The following ADGRV1 variants were observed in gnomAD, a reference collection of about 807,000 sequenced individuals.
ADGRV1 encodes the protein adhesion G protein-coupled receptor V1.
A neutral mutation model predicts 596.2 loss-of-function variants in ADGRV1; 359 were observed. The ratio of observed to expected loss-of-function variants is 0.60; its 90% confidence interval spans 0.55 to 0.66. The LOEUF (loss-of-function observed/expected upper bound fraction) is 0.66, where lower values mean the gene tolerates loss of function less well. Ranked by LOEUF, ADGRV1 falls within the 30% of genes least tolerant of loss-of-function variation. ADGRV1 has a pLI of 0.00. For missense variants in ADGRV1, 7,274 were observed against 7,575.6 expected (o/e 0.96, Z 1.48); for synonymous variants, 2,681 against 2,679.2 (o/e 1.00, Z -0.02).
rs543050404 is a variant in ADGRV1 at position 91,046,904 on chromosome 5, CAT to C, written c.18153-25540_18153-25539del. Among the ~76,000 whole-genome samples, 151 of 152,172 alleles carry C rather than the reference CAT, an allele frequency of 9.9e-4. 1 individual carries two copies. The highest frequency in any genetic ancestry group is 3.5e-3 in the African/African-American group (144 of 41,540). ...AGAAGATATACAAGTGGCCAACAAA[CAT>C]ATGAAAAAATGCTCAGCATCACTAA... On this transcript the variant is annotated intron_variant, in intron 85 of 89. Coordinates refer to ENST00000405460, the MANE Select transcript of ADGRV1 (RefSeq NM_032119.4).
intron 86 of ADGRV1, among the ~76,000 whole-genome samples, chr5:91,093,462 A>T (rs1361684716): frequency 6.6e-6 from 1 of 152,274 alleles, no homozygotes; most frequent in Non-Finnish European, 1.5e-5. Context: ...AAGCAGGGTC[A>T]TATCGACAAG....
In ADGRV1 at chr5:90,807,415, G is replaced by A. The variant is rs772873118; in HGVS notation, c.14837-187G>A. Among the ~76,000 whole-genome samples the A allele has an allele frequency of 4.6e-5, 7 of 152,116 alleles. 1 individual carries two copies. The highest frequency in any genetic ancestry group is 2.0e-4 in the Admixed American group (3 of 15,276). On this transcript the variant is annotated intron_variant, in intron 72 of 89. Coordinates refer to ENST00000405460, the MANE Select transcript of ADGRV1 (RefSeq NM_032119.4). ...TAAAGGAGAAAAGTAAACAGGGACC[G>A]AAAGCAAGATTTGTGTGGTCTCCTG...
Position 90,939,446 on chromosome 5 carries a change from T to G in ADGRV1, c.17857-25969T>G, listed in dbSNP as rs73771130. 4.6e-3 allele frequency among the ~76,000 whole-genome samples: 705 copies of G among 152,312 alleles called. 9 individuals carry two copies. The highest frequency in any genetic ancestry group is 0.016 in the African/African-American group (669 of 41,582). ...GCGCCTAACAGATGGAACACTAAAC[T>G]GAAGGTCAGGAAATGTGAATTCCAC... is the stretch of plus-strand genomic sequence containing the variant. On this transcript the variant is annotated intron_variant, in intron 83 of 89. Transcript: ENST00000405460.
chr5:90,855,050 T>C (rs898820721), intron 81 of ADGRV1, among the ~76,000 whole-genome samples: 1 of 152,112 alleles, frequency 6.6e-6, no homozygotes, highest in Non-Finnish European at 1.5e-5. Context: ...GGAGTTTGGG[T>C]AAGGAAGTTT....
chr5:91,042,970 T>C (rs1293167958), intron 85 of ADGRV1, among the ~76,000 whole-genome samples: 1 of 152,048 alleles, frequency 6.6e-6, no homozygotes, highest in Non-Finnish European at 1.5e-5. Flanking sequence ...CAAGCTATAT[T>C]TCGAGCCAGT....
chr5:90,737,843 CA>C (rs748437746), intron 50 of ADGRV1, among the ~76,000 whole-genome samples: 4 of 151,774 alleles, frequency 2.6e-5, no homozygotes, highest in Non-Finnish European at 1.5e-5. Flanking sequence ...CTCTTGTAGG[CA>C]GCATATGATT....
At chr5:90,809,401 G>A (rs1762235951) in intron 73 of ADGRV1, among the ~76,000 whole-genome samples, 1 of 150,976 alleles carries the variant, frequency 6.6e-6, no homozygotes, top group African/African-American at 2.4e-5. Context: ...TATAGATGAC[G>A]AAAGTCATAG....
At chr5:91,080,108 A>G (rs987880685) in intron 86 of ADGRV1, among the ~76,000 whole-genome samples, 1 of 152,140 alleles carries the variant, frequency 6.6e-6, no homozygotes, top group African/African-American at 2.4e-5. Flanking sequence ...ACATTTTGTA[A>G]CATACATAGA....
chr5:91,152,979 A>C (rs1796182892), intron 88 of ADGRV1, among the ~76,000 whole-genome samples: 1 of 152,286 alleles, frequency 6.6e-6, no homozygotes, highest in South Asian at 2.1e-4. Context: ...GCACTTTGAG[A>C]GGCTGAGGCA....
chr5:90,886,740 C>A (rs1770324764), intron 83 of ADGRV1, among the ~76,000 whole-genome samples: 1 of 152,176 alleles, frequency 6.6e-6, no homozygotes. Flanking sequence ...GAAAACCATT[C>A]TTCCCAGTTT....
chr5:91,090,582 G>A (rs1214778376), intron 86 of ADGRV1, among the ~76,000 whole-genome samples: 3 of 150,700 alleles, frequency 2.0e-5, no homozygotes, highest in Non-Finnish European at 4.4e-5. Flanking sequence ...TTTAACCCTG[G>A]AAAATATACT....
At chr5:91,009,174 G>A (rs1389485711) in intron 85 of ADGRV1, among the ~76,000 whole-genome samples, 2 of 152,130 alleles carry the variant, frequency 1.3e-5, no homozygotes, top group African/African-American at 4.8e-5. Context: ...TTTCAAGCTT[G>A]ACATTTTCCT....
intron 89 of ADGRV1, among the ~76,000 whole-genome samples, chr5:91,161,303 G>A (rs1343078602): frequency 6.6e-6 from 1 of 152,132 alleles, no homozygotes; most frequent in Non-Finnish European, 1.5e-5. Flanking sequence ...TCCTTCGAAG[G>A]CCTGGAAGTA....
chr5:91,111,380 C>T (rs1389572419), intron 87 of ADGRV1, among the ~76,000 whole-genome samples: 2 of 152,052 alleles, frequency 1.3e-5, no homozygotes, highest in Non-Finnish European at 2.9e-5. Context: ...TTTGAGGTAT[C>T]GTAAGAAATG....
intron 84 of ADGRV1, among the ~76,000 whole-genome samples, chr5:90,975,539 A>G (rs897755064): frequency 1.3e-5 from 2 of 152,214 alleles, no homozygotes; most frequent in Non-Finnish European, 2.9e-5. Context: ...GGATGCGTTC[A>G]TGTCCTTTTT....
chr5:91,111,491 G>T (rs979393511), intron 87 of ADGRV1, among the ~76,000 whole-genome samples: 4 of 152,204 alleles, frequency 2.6e-5, no homozygotes, highest in Non-Finnish European at 5.9e-5. Context: ...TATCCAGAAG[G>T]GTTCAGTGCA....
chr5:90,611,267 CTTG>C (rs1762704901), intron 1 of ADGRV1, among the ~76,000 whole-genome samples: 1 of 151,792 alleles, frequency 6.6e-6, no homozygotes, highest in Non-Finnish European at 1.5e-5. Flanking sequence ...AATTAGGTGA[CTTG>C]TTGGAGAGAC....
intron 83 of ADGRV1, among the ~76,000 whole-genome samples, chr5:90,881,127 C>T (rs1769724434): frequency 6.6e-6 from 1 of 152,196 alleles, no homozygotes. Context: ...CTTCATTGTG[C>T]ATCTCATCTT....
chr5:90,986,588 A>G (rs960804330), intron 85 of ADGRV1, among the ~76,000 whole-genome samples: 23 of 152,114 alleles, frequency 1.5e-4, no homozygotes, highest in African/African-American at 5.6e-4. Context: ...TGCAAACACA[A>G]TACACACACT....
Sources: gnomAD v4.1 joint callset for allele counts (sites outside exome capture counted in the v4.1 genomes callset) on GRCh38, gnomAD v4.1.1 for gene constraint, MANE v1.5 for transcripts, NCBI Gene and HGNC (gene_info 2026-07-23, HGNC 2026-07-21) for gene names.